Variants in MIPOL1 observed in about 807,000 individuals in gnomAD.
MIPOL1 encodes mirror-image polydactyly 1.
MIPOL1 carries 57 observed loss-of-function variants against 60.9 expected under a neutral mutation model. The ratio of observed to expected loss-of-function variants is 0.94; its 90% CI spans 0.76 to 1.17. The LOEUF is 1.17. Among genes scored for constraint, MIPOL1 ranks in the 50% most tolerant of loss-of-function variants. The pLI is 0.00. For synonymous variants in MIPOL1, 179 were observed against 168.8 expected, an observed-to-expected ratio of 1.06 and a Z score of -0.47; for missense variants, 551 against 511.6, an observed-to-expected ratio of 1.08 and a Z score of -0.74.
rs183165937 is a variant in MIPOL1, at chr14:37,499,894, T to C, written c.1032-14T>C. 3 of 1,427,554 alleles carry C rather than the reference T, an allele frequency of 2.1e-6. No homozygotes were observed. In the African/African-American group the frequency reaches 4.3e-5, roughly 20 times the overall value. The allele number at this position is 1,427,554 out of a possible 1,614,324, so 88.4% of individuals were successfully genotyped here. ...ACATTACTTATCTTTAAATTTTTTT[T>C]AATATTTTCTCAGTTTACACAAATC... On this transcript the variant is annotated splice_polypyrimidine_tract_variant and intron_variant, in intron 11 of 12. Coordinates refer to ENST00000684589, the MANE Select transcript of MIPOL1 (RefSeq NM_001388067.1).
At chr14:37,298,459 A>T (rs1246818171) in intron 7 of MIPOL1, among the ~76,000 whole-genome samples, 1 of 152,226 alleles carries the variant, frequency 6.6e-6, no homozygotes, top group African/African-American at 2.4e-5. Context: ...ATGGGATCTA[A>T]TTAAATGAAA....
At chr14:37,514,376 A>G (rs1483640504) in intron 12 of MIPOL1, among the ~76,000 whole-genome samples, 1 of 152,154 alleles carries the variant, frequency 6.6e-6, no homozygotes, top group African/African-American at 2.4e-5. Flanking sequence ...TTACTAAATG[A>G]CACTAATTGT....
intron 12 of MIPOL1, among the ~76,000 whole-genome samples, chr14:37,523,186 A>T (rs1419077220): frequency 6.6e-6 from 1 of 152,112 alleles, no homozygotes; most frequent in Non-Finnish European, 1.5e-5. Flanking sequence ...GCCAAGTTCT[A>T]AGTATAATAG....
intron 7 of MIPOL1, among the ~76,000 whole-genome samples, chr14:37,296,336 C>T (rs1001288147): frequency 1.6e-4 from 25 of 152,012 alleles, no homozygotes; most frequent in African/African-American, 4.3e-4. Context: ...GCACTAAATG[C>T]CCACAAGAGA....
chr14:37,401,496 G>A (rs1051418328), intron 10 of MIPOL1: 1 of 151,954 alleles, frequency 6.6e-6, no homozygotes, highest in South Asian at 2.1e-4. Context: ...AAAAGAAAGA[G>A]CATCACAGCA....
chr14:37,361,072 A>G (rs1386728769), intron 9 of MIPOL1, among the ~76,000 whole-genome samples: 1 of 152,056 alleles, frequency 6.6e-6, no homozygotes, highest in African/African-American at 2.4e-5. Context: ...TCATTTCATT[A>G]TTTACCTAGT....
In MIPOL1 at chr14:37,264,691, A is replaced by G. The variant is rs554405301; in HGVS notation, c.20-2247A>G. The stretch of plus-strand genomic sequence containing the variant: ...AATAAAGCAAGCATGATAAAATGTT[A>G]ATATTTGGGGAGTCTAGGTAAAGGG... On this transcript the variant is annotated intron_variant, in intron 3 of 12. Transcript: ENST00000684589. Among the ~76,000 whole-genome samples, 7 of 152,162 alleles carry G rather than the reference A, an allele frequency of 4.6e-5. No homozygotes were observed. In the South Asian group the frequency reaches 1.5e-3, roughly 32 times the overall value.
chr14:37,322,501 T>C (rs2088685834), intron 9 of MIPOL1, among the ~76,000 whole-genome samples: 1 of 152,040 alleles, frequency 6.6e-6, no homozygotes, highest in Non-Finnish European at 1.5e-5. Flanking sequence ...AAGAAATGTA[T>C]CTTTTTTTAA....
At chr14:37,491,728 A>C (rs2095050732) in intron 11 of MIPOL1, among the ~76,000 whole-genome samples, 2 of 152,192 alleles carry the variant, frequency 1.3e-5, no homozygotes, top group South Asian at 4.1e-4. Flanking sequence ...TGAAATTTTA[A>C]GTTCAGTATT....
intron 7 of MIPOL1, among the ~76,000 whole-genome samples, chr14:37,298,664 A>C (rs1305690764): frequency 1.3e-5 from 2 of 152,238 alleles, no homozygotes; most frequent in African/African-American, 4.8e-5. Flanking sequence ...TCTCAAAAGA[A>C]GACATTTATG....
intron 11 of MIPOL1, among the ~76,000 whole-genome samples, chr14:37,492,554 T>C (rs1160554831): frequency 1.3e-5 from 2 of 152,198 alleles, no homozygotes; most frequent in Non-Finnish European, 2.9e-5. Flanking sequence ...GCAGGTATTG[T>C]GCCAGTTATT....
At chr14:37,449,509 T>G (rs1428376586) in intron 11 of MIPOL1, among the ~76,000 whole-genome samples, 1 of 152,176 alleles carries the variant, frequency 6.6e-6, no homozygotes, top group Admixed American at 6.5e-5. Flanking sequence ...ATGAAATAAT[T>G]CGTTGCTTTT....
At chr14:37,245,938 AG>A (rs1219792732) in intron 1 of MIPOL1, among the ~76,000 whole-genome samples, 2 of 152,154 alleles carry the variant, frequency 1.3e-5, no homozygotes, top group Non-Finnish European at 2.9e-5. Flanking sequence ...TAGCCTAAGA[AG>A]GTAAAATGTT....
At chr14:37,402,821 C>T (rs764018319) in intron 10 of MIPOL1, among the ~76,000 whole-genome samples, 8 of 152,186 alleles carry the variant, frequency 5.3e-5, no homozygotes, top group Non-Finnish European at 1.2e-4. Context: ...AGCTTAGGAA[C>T]TGTGACTTTG....
chr14:37,327,592 G>A (rs1222964972), intron 9 of MIPOL1, among the ~76,000 whole-genome samples: 1 of 152,108 alleles, frequency 6.6e-6, no homozygotes, highest in African/African-American at 2.4e-5. Flanking sequence ...GCCAATTCAA[G>A]CAGTCTTTAG....
chr14:37,403,792 A>G (rs951504184), intron 10 of MIPOL1, among the ~76,000 whole-genome samples: 1 of 152,160 alleles, frequency 6.6e-6, no homozygotes, highest in Non-Finnish European at 1.5e-5. Context: ...TTTCTATTTA[A>G]TGCTGGAAGA....
At chr14:37,345,391 C>T (rs897356518) in intron 9 of MIPOL1, among the ~76,000 whole-genome samples, 3 of 152,186 alleles carry the variant, frequency 2.0e-5, no homozygotes, top group African/African-American at 4.8e-5. Flanking sequence ...AGGCAAGAAC[C>T]GTTGTGCATG....
intron 9 of MIPOL1, among the ~76,000 whole-genome samples, chr14:37,348,002 C>G (rs1398580106): frequency 6.6e-6 from 1 of 152,042 alleles, no homozygotes; most frequent in African/African-American, 2.4e-5. Flanking sequence ...TATAATTGAT[C>G]CCATCGCCCA....
At chr14:37,399,066 C>A (rs1595592962) in intron 10 of MIPOL1, among the ~76,000 whole-genome samples, 5 of 151,576 alleles carry the variant, frequency 3.3e-5, no homozygotes, top group Admixed American at 1.3e-4. Context: ...CTGACAGAAT[C>A]AGCTCTACAC....
Sources: gnomAD v4.1 joint callset for allele counts (sites outside exome capture counted in the v4.1 genomes callset) on GRCh38, gnomAD v4.1.1 for gene constraint, MANE v1.5 for transcripts, NCBI Gene and HGNC (gene_info 2026-07-23, HGNC 2026-07-21) for gene names.